The following CBFB variants were observed in gnomAD, a reference collection of about 807,000 sequenced individuals.
CBFB encodes the protein CBF-beta.
CBFB carries 9 observed loss-of-function variants against 30.4 expected under a neutral mutation model. That is an observed-to-expected ratio of 0.30 (90% CI 0.18 to 0.52). The LOEUF (loss-of-function observed/expected upper bound fraction) is 0.52. Ranked by LOEUF, CBFB falls within the 20% of genes least tolerant of loss-of-function variation. The probability of loss-of-function intolerance (pLI) is 0.97; values close to 1 mark genes in which losing one functional copy is unlikely to be tolerated. For missense variants in CBFB, 170 were observed against 244.0 expected, an observed-to-expected ratio of 0.70 and a Z score of 2.02; for synonymous variants, 94 against 84.0, an observed-to-expected ratio of 1.12 and a Z score of -0.65.
chr16:67,071,298 A>T (rs1961216741), intron 4 of CBFB, among the ~76,000 whole-genome samples: 1 of 151,962 alleles, frequency 6.6e-6, no homozygotes, highest in Non-Finnish European at 1.5e-5. Context: ...TTGAAGCCCT[A>T]CTCCCGTTGT....
intron 5 of CBFB, chr16:67,093,455 C>T (rs568565923): frequency 6.7e-6 from 1 of 150,200 alleles, no homozygotes; most frequent in East Asian, 1.9e-4. Context: ...CTGGATACCC[C>T]CTCCTCGTGG....
intron 3 of CBFB, among the ~76,000 whole-genome samples, chr16:67,051,780 G>A (rs989787771): frequency 4.7e-5 from 7 of 149,338 alleles, no homozygotes; most frequent in African/African-American, 7.4e-5. Context: ...TTGGAGTCTC[G>A]CTCTGTTGCC....
intron 3 of CBFB, among the ~76,000 whole-genome samples, chr16:67,043,603 A>G (rs778298753): frequency 6.6e-5 from 10 of 152,238 alleles, no homozygotes; most frequent in Non-Finnish European, 1.5e-4. Flanking sequence ...TTAAACTAAT[A>G]ACAGTATAAT....
intron 3 of CBFB, among the ~76,000 whole-genome samples, chr16:67,050,232 A>G (rs1219686772): frequency 1.4e-5 from 2 of 147,842 alleles, no homozygotes; most frequent in Non-Finnish European, 3.0e-5. Context: ...TCACATATTT[A>G]TATGTAATAT....
At chr16:67,041,842 A>T (rs1350519578) in intron 3 of CBFB, among the ~76,000 whole-genome samples, 2 of 144,284 alleles carry the variant, frequency 1.4e-5, no homozygotes, top group East Asian at 4.0e-4. Context: ...TGGTGCAATC[A>T]TAGTTCACTG....
chr16:67,032,512 C>T (rs1279648407), intron 2 of CBFB, among the ~76,000 whole-genome samples: 2 of 152,180 alleles, frequency 1.3e-5, no homozygotes, highest in Non-Finnish European at 2.9e-5. Flanking sequence ...AGTTTTCTCT[C>T]TTTCTAGTTT....
chr16:67,098,913 T>G lies in CBFB; in HGVS notation c.*135T>G, dbSNP rs1006578641. On this transcript the variant is annotated 3_prime_UTR_variant, in exon 6 of 6. Transcript: ENST00000412916. Reference sequence around the variant, plus strand: ...TCTATTTCTCAACCTTAGGCAGTAATAGACATCACAAACTGCCATGGTTTT... The same window carrying G: ...TCTATTTCTCAACCTTAGGCAGTAAGAGACATCACAAACTGCCATGGTTTT... 1.7e-5 allele frequency: 10 copies of G among 600,330 alleles called. No homozygotes were observed. Among genetic ancestry groups the G allele is most frequent in the African/African-American group, 7.6e-5 (4 of 52,548 alleles). 37.2% of individuals were successfully genotyped at this position (600,330 alleles called of 1,614,324 possible).
At chr16:67,069,931 G>T (rs1476726744) in intron 4 of CBFB, among the ~76,000 whole-genome samples, 1 of 152,150 alleles carries the variant, frequency 6.6e-6, no homozygotes, top group Non-Finnish European at 1.5e-5. Flanking sequence ...TGAGGCTGCA[G>T]TGAGCTGTGA....
At chr16:67,092,537 G>T (rs958398833) in intron 5 of CBFB, among the ~76,000 whole-genome samples, 3 of 151,984 alleles carry the variant, frequency 2.0e-5, no homozygotes, top group Admixed American at 1.3e-4. Flanking sequence ...TCTGCACAAT[G>T]AGAGTTGAAT....
At chr16:67,081,873 T>C (rs1597155144) in intron 4 of CBFB, among the ~76,000 whole-genome samples, 1 of 148,414 alleles carries the variant, frequency 6.7e-6, no homozygotes, top group Non-Finnish European at 1.5e-5. Context: ...CAGGCTGGAG[T>C]GCAATGGCGC....
chr16:67,056,909 T>A (rs943135717), intron 3 of CBFB, among the ~76,000 whole-genome samples: 1 of 152,096 alleles, frequency 6.6e-6, no homozygotes, highest in Non-Finnish European at 1.5e-5. Context: ...CTTGATCTCT[T>A]GACCTCGTGA....
chr16:67,035,499 G>A (rs1427306153), intron 2 of CBFB, among the ~76,000 whole-genome samples: 1 of 152,204 alleles, frequency 6.6e-6, no homozygotes, highest in African/African-American at 2.4e-5. Flanking sequence ...CCATCAGAGA[G>A]GTTTAGAGAT....
intron 5 of CBFB, among the ~76,000 whole-genome samples, chr16:67,084,771 G>A (rs1961672343): frequency 6.6e-6 from 1 of 152,156 alleles, no homozygotes; most frequent in Non-Finnish European, 1.5e-5. Flanking sequence ...ATACGTGTGT[G>A]TGTGTGTGCG....
At chr16:67,064,206 T>C (rs1960990013) in intron 3 of CBFB, among the ~76,000 whole-genome samples, 1 of 152,144 alleles carries the variant, frequency 6.6e-6, no homozygotes, top group African/African-American at 2.4e-5. Context: ...TTATGTGTTT[T>C]GTTTGTTTAT....
At chr16:67,032,873 T>C (rs1966376283) in intron 2 of CBFB, among the ~76,000 whole-genome samples, 3 of 152,208 alleles carry the variant, frequency 2.0e-5, no homozygotes, top group Admixed American at 2.0e-4. Context: ...AACATCTTCT[T>C]GATGTATCAG....
At chr16:67,042,340 G>C (rs1966546180) in intron 3 of CBFB, among the ~76,000 whole-genome samples, 1 of 152,066 alleles carries the variant, frequency 6.6e-6, no homozygotes, top group Non-Finnish European at 1.5e-5. Flanking sequence ...TTTTTTTGAA[G>C]AGAAAAAAAT....
At chr16:67,037,209 TAAAACC>T (rs907865322) in intron 3 of CBFB, among the ~76,000 whole-genome samples, 3 of 152,208 alleles carry the variant, frequency 2.0e-5, no homozygotes, top group Non-Finnish European at 2.9e-5. Context: ...TATAATTTTT[TAAAACC>T]ACTGTTAAAC....
chr16:67,050,110 TAG>T (rs1966711315), intron 3 of CBFB, among the ~76,000 whole-genome samples: 1 of 150,388 alleles, frequency 6.6e-6, no homozygotes, highest in Non-Finnish European at 1.5e-5. Context: ...AAGCCTTATT[TAG>T]AGTTATTTTG....
intron 3 of CBFB, among the ~76,000 whole-genome samples, chr16:67,062,105 G>A (rs541400478): frequency 6.6e-6 from 1 of 152,100 alleles, no homozygotes; most frequent in South Asian, 2.1e-4. Context: ...GGTTTTCTTT[G>A]TCATGAAAGA....
Sources: gnomAD v4.1 joint callset for allele counts (sites outside exome capture counted in the v4.1 genomes callset) on GRCh38, gnomAD v4.1.1 for gene constraint, MANE v1.5 for transcripts, NCBI Gene and HGNC (gene_info 2026-07-23, HGNC 2026-07-21) for gene names.